Variants in DCLK1 observed in about 807,000 individuals in gnomAD.
The protein encoded by DCLK1 is serine/threonine-protein kinase DCLK1.
A neutral mutation model predicts 86.2 loss-of-function variants in DCLK1; 16 were observed. That is an observed-to-expected ratio of 0.19 (90% confidence interval 0.13 to 0.28). The LOEUF is 0.28. Ranked by LOEUF, DCLK1 falls within the 10% of genes least tolerant of loss-of-function variation. DCLK1 has a pLI of 1.00. For synonymous variants in DCLK1, 369 were observed against 370.5 expected, an observed-to-expected ratio of 1.00 and a Z score of 0.05; for missense variants, 590 against 940.2, an observed-to-expected ratio of 0.63 and a Z score of 4.87.
rs1555342400 is a variant in DCLK1 at position 35,826,564 on chromosome 13, A to AAGGAAGGG, written c.1407+1070_1407+1071insCCCTTCCT. ...AAAAGAAAGAAAGAAAGAAAGAAACAAGTCCTAATTTGAAGTAGACTAAAA... is the reference window on the plus strand; with the variant it reads ...AAAAGAAAGAAAGAAAGAAAGAAACAAGGAAGGGAGTCCTAATTTGAAGTAGACTAAAA... On this transcript the variant is annotated intron_variant, in intron 10 of 16. Transcript: ENST00000360631. 4.3e-4 allele frequency among the ~76,000 whole-genome samples: 20 copies of AAGGAAGGG among 46,070 alleles called. 6 individuals are homozygous for AAGGAAGGG. The highest frequency in any genetic ancestry group is 8.3e-4 in the Non-Finnish European group (15 of 18,068). The allele number at this position is 46,070 out of a possible 152,430, so 30.2% of individuals were successfully genotyped here. A position where few individuals can be genotyped will look rare whatever the true frequency, so the allele number is the denominator to read the frequency against.
intron 3 of DCLK1, among the ~76,000 whole-genome samples, chr13:36,100,140 C>T (rs890533436): frequency 1.6e-4 from 19 of 120,686 alleles, no homozygotes; most frequent in Admixed American, 9.1e-4. Flanking sequence ...TCCAGGTGTT[C>T]GAGGCCAGCC....
At chr13:35,794,343 AT>A (rs1286208594) in intron 15 of DCLK1, among the ~76,000 whole-genome samples, 1,672 of 152,352 alleles carry the variant, frequency 0.011, 32 homozygotes, top group African/African-American at 0.038. Flanking sequence ...TGAACAGATA[AT>A]AGAGTGTTTG....
At chr13:35,970,961 G>A (rs1026118866) in intron 3 of DCLK1, among the ~76,000 whole-genome samples, 8 of 152,064 alleles carry the variant, frequency 5.3e-5, no homozygotes, top group African/African-American at 1.9e-4. Context: ...GAACAGCCAG[G>A]GCCATGGAAG....
At chr13:35,929,340 G>T (rs930068267) in intron 4 of DCLK1, among the ~76,000 whole-genome samples, 1 of 152,206 alleles carries the variant, frequency 6.6e-6, no homozygotes, top group Admixed American at 6.5e-5. Context: ...CTTTAAAGTT[G>T]AGGGGCAAAT....
At chr13:35,862,288 T>A (rs1871458508) in intron 5 of DCLK1, among the ~76,000 whole-genome samples, 1 of 152,178 alleles carries the variant, frequency 6.6e-6, no homozygotes, top group Non-Finnish European at 1.5e-5. Flanking sequence ...AAAACGAAAC[T>A]CATTCCTTAC....
intron 3 of DCLK1, among the ~76,000 whole-genome samples, chr13:36,012,399 A>G (rs1323571096): frequency 1.3e-5 from 2 of 151,604 alleles, no homozygotes; most frequent in African/African-American, 4.9e-5. Context: ...CGCTTCCTTC[A>G]GGAGCTCTTT....
intron 11 of DCLK1, among the ~76,000 whole-genome samples, chr13:35,821,362 G>A (rs556351384): frequency 1.3e-5 from 2 of 152,096 alleles, no homozygotes; most frequent in African/African-American, 2.4e-5. Context: ...GTGTGTATGC[G>A]GGTTACCTGG....
chr13:36,068,823 A>G (rs1292206976), intron 3 of DCLK1, among the ~76,000 whole-genome samples: 2 of 152,188 alleles, frequency 1.3e-5, no homozygotes, highest in Non-Finnish European at 2.9e-5. Flanking sequence ...CAAGACCATG[A>G]TGGGTGCTCC....
At chr13:35,862,779 C>A (rs1012924404) in intron 5 of DCLK1, among the ~76,000 whole-genome samples, 2 of 152,168 alleles carry the variant, frequency 1.3e-5, no homozygotes, top group Non-Finnish European at 2.9e-5. Context: ...GTCCTCCTGG[C>A]CCTTTTTTAC....
At chr13:36,046,874 T>A (rs1439133786) in intron 3 of DCLK1, among the ~76,000 whole-genome samples, 2 of 152,188 alleles carry the variant, frequency 1.3e-5, no homozygotes, top group Non-Finnish European at 2.9e-5. Flanking sequence ...AGAACCAAGT[T>A]TGCATAAGTG....
At chr13:35,896,396 G>A (rs1346565835) in intron 4 of DCLK1, among the ~76,000 whole-genome samples, 4 of 151,912 alleles carry the variant, frequency 2.6e-5, no homozygotes, top group South Asian at 2.1e-4. Context: ...AAAATTAGAC[G>A]GGTATGGTGC....
At chr13:36,116,184 A>T (rs1399540166) in intron 2 of DCLK1, among the ~76,000 whole-genome samples, 1 of 152,022 alleles carries the variant, frequency 6.6e-6, no homozygotes, top group Non-Finnish European at 1.5e-5. Context: ...TCCTGCCCTC[A>T]AGTGATCCGC....
rs181502847 is a variant in DCLK1, at chr13:36,042,801, T to C, written c.723+69068A>G. ...CTCAAGGCATTTATTTTAAAGGAAG[T>C]TAGAGCAAGAAATCAAAAGAATTTT... On this transcript the variant is annotated intron_variant, in intron 3 of 16. Coordinates refer to ENST00000360631, the MANE Select transcript of DCLK1 (RefSeq NM_001330071.2). Among the ~76,000 whole-genome samples, 79 of 152,314 alleles carry C rather than the reference T, an allele frequency of 5.2e-4. 1 individual carries two copies. The highest frequency in any genetic ancestry group is 1.8e-3 in the African/African-American group (74 of 41,580).
chr13:36,073,485 C>CAAAAACA (rs747454862), intron 3 of DCLK1, among the ~76,000 whole-genome samples: 3 of 150,938 alleles, frequency 2.0e-5, no homozygotes, highest in Admixed American at 1.3e-4. Flanking sequence ...TGTGGGTTTA[C>CAAAAACA]AAAAACAAAA....
intron 3 of DCLK1, among the ~76,000 whole-genome samples, chr13:36,001,775 A>AT (rs1245763788): frequency 4.0e-5 from 6 of 150,666 alleles, no homozygotes; most frequent in Admixed American, 1.3e-4. Context: ...TTGGTGGGTA[A>AT]TTTTTTTTTT....
At chr13:35,935,689 C>G (rs1359991051) in intron 4 of DCLK1, among the ~76,000 whole-genome samples, 2 of 152,120 alleles carry the variant, frequency 1.3e-5, no homozygotes, top group Non-Finnish European at 2.9e-5. Context: ...TCTGGAGCTC[C>G]TGAGAGGAGT....
At chr13:35,855,375 A>G (rs2153110860) in intron 5 of DCLK1, 3 of 717,480 alleles carry the variant, frequency 4.2e-6, no homozygotes, top group Non-Finnish European at 6.9e-6. Context: ...GTATCAGGTC[A>G]CCTCTATTTT....
chr13:36,109,196 T>C (rs768238245), intron 3 of DCLK1, among the ~76,000 whole-genome samples: 11 of 152,132 alleles, frequency 7.2e-5, no homozygotes, highest in Non-Finnish European at 1.2e-4. Flanking sequence ...GAAGAGAACA[T>C]GCCAACACTA....
At chr13:35,789,411 T>G (rs1216718785) in intron 16 of DCLK1, among the ~76,000 whole-genome samples, 1 of 152,220 alleles carries the variant, frequency 6.6e-6, no homozygotes, top group African/African-American at 2.4e-5. Context: ...AATGTGTGTT[T>G]CATTTTATTG....
Sources: allele counts gnomAD v4.1 joint callset (sites outside exome capture counted in the v4.1 genomes callset), GRCh38; gene constraint gnomAD v4.1.1; transcripts MANE v1.5; gene names NCBI Gene and HGNC (gene_info 2026-07-23, HGNC 2026-07-21).